The following ABCB11 variants were observed in gnomAD, a reference collection of about 807,000 sequenced individuals.
ABCB11 encodes ATP binding cassette subfamily B member 11.
A neutral mutation model predicts 148.0 loss-of-function variants in ABCB11; 95 were observed. The ratio of observed to expected loss-of-function variants is 0.64; its 90% CI spans 0.54 to 0.76. ABCB11 has a LOEUF of 0.76. Among genes scored for constraint, ABCB11 ranks in the 30% least tolerant of loss-of-function variants. The probability of loss-of-function intolerance (pLI) is 0.00; values close to 1 mark genes in which losing one functional copy is unlikely to be tolerated. For missense variants in ABCB11, 1,523 were observed against 1,617.8 expected, an observed-to-expected ratio of 0.94 and a Z score of 1.01; for synonymous variants, 591 against 555.4, an observed-to-expected ratio of 1.06 and a Z score of -0.90.
chr2:168,981,470 A>G (rs1177038955), intron 10 of ABCB11, among the ~76,000 whole-genome samples: 2 of 152,160 alleles, frequency 1.3e-5, no homozygotes, highest in African/African-American at 2.4e-5. Context: ...TATATTTCAT[A>G]GGATTATTAC....
intron 18 of ABCB11, among the ~76,000 whole-genome samples, chr2:168,961,106 A>C (rs1463084396): frequency 6.6e-6 from 1 of 151,760 alleles, no homozygotes. Context: ...ATGGGATAAA[A>C]GAATGAATGA....
intron 2 of ABCB11, 139 bp from the exon 3 acceptor site, chr2:169,016,938 C>T (rs189290731): frequency 6.5e-6 from 4 of 614,824 alleles, no homozygotes; most frequent in African/African-American, 5.8e-5. Flanking sequence ...GACTATTTGC[C>T]TTTTCTTTCT....
intron 1 of ABCB11, among the ~76,000 whole-genome samples, chr2:169,026,167 C>T (rs959384693): frequency 2.6e-5 from 4 of 152,144 alleles, no homozygotes; most frequent in African/African-American, 9.7e-5. Flanking sequence ...TTGTTTATGT[C>T]TAATAAGAGA....
At chr2:169,002,960 A>T (rs79100141) in intron 5 of ABCB11, among the ~76,000 whole-genome samples, 3,416 of 151,950 alleles carry the variant, frequency 0.022, 125 homozygotes, top group African/African-American at 0.077. Flanking sequence ...AAAAAATTTT[A>T]ATTTTTATTT....
chr2:168,931,522 C>A (rs1459204656), intron 24 of ABCB11, among the ~76,000 whole-genome samples: 1 of 152,156 alleles, frequency 6.6e-6, no homozygotes. Context: ...TTTACAAATA[C>A]CTATCTATCA....
At chr2:169,007,687 C>T (rs887855971) in intron 5 of ABCB11, among the ~76,000 whole-genome samples, 13 of 152,178 alleles carry the variant, frequency 8.5e-5, no homozygotes, top group Non-Finnish European at 1.3e-4. Flanking sequence ...CAAAATTAAA[C>T]ACTTTAGTGG....
At position 168,944,624 on chromosome 2, in the gene ABCB11, T is replaced by A. The variant is rs1692217194; in HGVS notation, c.2591A>T (p.Asp864Val). 6.2e-7 allele frequency: 1 copy of A among 1,608,558 alleles called. No individual in the cohort carries two copies. The highest frequency in any genetic ancestry group is 8.5e-7 in the Non-Finnish European group (1 of 1,176,844). ...GCTCACCCCTTGAACTTGGGAAGCA[T>A]CTGTAGCAAGTCTTGTTGTCAATGC... ...PGALTTRLAT[D>V]ASQVQGAAGS... The change falls in exon 21 of 28, where the codon GAT (aspartate) becomes GTT (valine). Residue 864 changes from aspartate to valine, a missense_variant. Coordinates refer to ENST00000650372, the MANE Select transcript of ABCB11 (RefSeq NM_003742.4).
chr2:168,975,174 T>TTAAA (rs10687976), intron 12 of ABCB11, among the ~76,000 whole-genome samples: 6,687 of 37,710 alleles, frequency 0.18, 2,012 homozygotes, highest in African/African-American at 0.48. Context: ...ATTTTTATAT[T>TTAAA]TATTTATAGA....
Position 168,976,626 on chromosome 2 carries a change from A to G in ABCB11, c.1259T>C (p.Ile420Thr), listed in dbSNP as rs1693919240. Reference sequence around the variant, plus strand: ...ATGGAAGGTCACATTATGGAATTCAATTTCACCCTTGATTCGATCCAACTT... The same window carrying G: ...ATGGAAGGTCACATTATGGAATTCAGTTTCACCCTTGATTCGATCCAACTT... ...GYKLDRIKGE[I>T]EFHNVTFHYP... is the part of the protein sequence containing the mutation. The change falls in exon 12 of 28, where the codon ATT becomes ACT. Residue 420 changes from isoleucine to threonine, a missense_variant. Coordinates refer to ENST00000650372, the MANE Select transcript of ABCB11 (RefSeq NM_003742.4). 1.2e-6 allele frequency: 2 copies of G among 1,609,566 alleles called. No homozygotes were observed. Among genetic ancestry groups the G allele is most frequent in the African/African-American group, 1.3e-5 (1 of 74,800 alleles).
intron 22 of ABCB11, 113 bp downstream of exon 22, chr2:168,936,117 C>A (rs1339027098): frequency 7.6e-6 from 8 of 1,047,252 alleles, no homozygotes; most frequent in African/African-American, 3.2e-5. Flanking sequence ...CTTAAGTGTG[C>A]CTGTCTTGTG....
rs937394901 is a variant in ABCB11, at chr2:168,988,219, C to T, written c.909-1935G>A. On this transcript the variant is annotated intron_variant, in intron 9 of 27. Coordinates refer to ENST00000650372, the MANE Select transcript of ABCB11 (RefSeq NM_003742.4). ...TTATTTTTAAAATATCTCAAACTAC[C>T]CCTGTTTAACTGAAATTTTGAATCC... is the stretch of plus-strand genomic sequence containing the variant. Among the ~76,000 whole-genome samples, 97 of 151,874 alleles carry T rather than the reference C, an allele frequency of 6.4e-4. 5 individuals are homozygous for T. Among genetic ancestry groups the T allele is most frequent in the South Asian group, 2.1e-4 (1 of 4,816 alleles).
chr2:168,996,223 T>C (rs1485749891), intron 6 of ABCB11, among the ~76,000 whole-genome samples: 1 of 151,968 alleles, frequency 6.6e-6, no homozygotes, highest in Non-Finnish European at 1.5e-5. Context: ...TTTCAGAATT[T>C]GGGTTGGAAT....
chr2:168,952,323 A>G (rs1252618142), intron 19 of ABCB11, among the ~76,000 whole-genome samples: 1 of 151,516 alleles, frequency 6.6e-6, no homozygotes, highest in Non-Finnish European at 1.5e-5. Flanking sequence ...CCTGTTTGGT[A>G]GAATTCAGCT....
In ABCB11 at chr2:168,944,932, T is replaced by A; in HGVS notation, c.2373A>T (p.Gln791His). 6.4e-7 allele frequency: 1 copy of A among 1,563,506 alleles called. No homozygotes were observed. The highest frequency in any genetic ancestry group is 2.4e-5 in the East Asian group (1 of 42,334). The change falls in exon 20 of 28, where the codon CAA becomes CAT. Residue 791 changes from glutamine (Q) to histidine (H), a missense_variant. Coordinates refer to ENST00000650372, the MANE Select transcript of ABCB11 (RefSeq NM_003742.4). ...GGCACACACCATTGATCTGTGACCTTTGTTCCTCTTTATCAGGAATTGAAA... is the reference window on the plus strand; with the variant it reads ...GGCACACACCATTGATCTGTGACCTATGTTCCTCTTTATCAGGAATTGAAA... ...GTFSIPDKEEQRSQINGVCLL... is the reference protein window; with the variant it reads ...GTFSIPDKEEHRSQINGVCLL...
chr2:168,962,186 C>T (rs1693108432), intron 18 of ABCB11, among the ~76,000 whole-genome samples: 1 of 151,696 alleles, frequency 6.6e-6, no homozygotes, highest in Non-Finnish European at 1.5e-5. Context: ...AGTATAATCA[C>T]ATTGGCTCTC....
intron 25 of ABCB11, among the ~76,000 whole-genome samples, chr2:168,928,231 A>C (rs1166857897): frequency 6.6e-6 from 1 of 152,168 alleles, no homozygotes; most frequent in African/African-American, 2.4e-5. Context: ...TGCTCTACTC[A>C]TTTTCCATAG....
At chr2:168,959,777 G>A (rs1692973341) in intron 18 of ABCB11, among the ~76,000 whole-genome samples, 1 of 151,336 alleles carries the variant, frequency 6.6e-6, no homozygotes, top group Admixed American at 6.6e-5. Context: ...TCATTTGTTG[G>A]TATCATCTGG....
rs758658884 is a variant in ABCB11, at chr2:168,936,225, A to G, written c.2814+5T>C. 1 of 1,611,882 alleles carries G rather than the reference A, an allele frequency of 6.2e-7. No individual in the cohort carries two copies. ...GGAATGGGAAAATTAGATCTGCAAG[A>G]TTACCTGTCCCACCATCTCCAGGGC... On this transcript the variant is annotated splice_donor_5th_base_variant and intron_variant, in intron 22 of 27. Coordinates refer to ENST00000650372, the MANE Select transcript of ABCB11 (RefSeq NM_003742.4).
chr2:168,927,117 C>G (rs1052585035), intron 26 of ABCB11, 39 bp downstream of exon 26: 8 of 1,537,050 alleles, frequency 5.2e-6, no homozygotes, highest in Middle Eastern at 1.9e-4. Flanking sequence ...TCTCCCCATC[C>G]TTGTCTCTCA....
Sources: gnomAD v4.1 joint callset for allele counts (sites outside exome capture counted in the v4.1 genomes callset) on GRCh38, gnomAD v4.1.1 for gene constraint, MANE v1.5 for transcripts, NCBI Gene and HGNC (gene_info 2026-07-23, HGNC 2026-07-21) for gene names.